The following SORCS3 variants were observed in gnomAD, a reference collection of about 807,000 sequenced individuals.
SORCS3 encodes the protein VPS10 domain-containing receptor SorCS3.
Under a neutral mutation model 146.3 loss-of-function variants are expected in SORCS3, and 57 were observed. That is an observed-to-expected ratio of 0.39 (90% CI 0.31 to 0.49). SORCS3 has a LOEUF of 0.49. Ranked by LOEUF, SORCS3 falls within the 20% of genes least tolerant of loss-of-function variation. The pLI is 0.92. For synonymous variants in SORCS3, 653 were observed against 618.5 expected (o/e 1.06, Z -0.83); for missense variants, 1,341 against 1,575.5 (o/e 0.85, Z 2.52).
intron 4 of SORCS3, among the ~76,000 whole-genome samples, chr10:105,017,474 T>C (rs763956105): frequency 1.1e-4 from 16 of 152,166 alleles, no homozygotes; most frequent in Non-Finnish European, 2.4e-4. Flanking sequence ...GCTAGCAGCA[T>C]AGGATATGGT....
intron 20 of SORCS3, among the ~76,000 whole-genome samples, chr10:105,227,559 C>A (rs1273650251): frequency 6.6e-6 from 1 of 152,014 alleles, no homozygotes; most frequent in African/African-American, 2.4e-5. Context: ...TCTGTTAGGT[C>A]CATTTGGTCT....
intron 1 of SORCS3, among the ~76,000 whole-genome samples, chr10:104,713,141 G>C (rs1220341067): frequency 2.0e-5 from 3 of 152,102 alleles, no homozygotes. Context: ...GTGTGTGTGT[G>C]TGTGTGTGTA....
chr10:105,248,957 C>T (rs2056883312), intron 22 of SORCS3, among the ~76,000 whole-genome samples: 1 of 152,122 alleles, frequency 6.6e-6, no homozygotes, highest in Non-Finnish European at 1.5e-5. Flanking sequence ...ATGTCAGTAA[C>T]CCATTCTGGT....
chr10:104,814,295 C>CTGCT (rs2017772535), intron 1 of SORCS3, among the ~76,000 whole-genome samples: 3 of 152,100 alleles, frequency 2.0e-5, no homozygotes, highest in Non-Finnish European at 4.4e-5. Flanking sequence ...TCCGATCTTC[C>CTGCT]TGCTCTTCTT....
chr10:104,954,018 T>C (rs1181560787), intron 3 of SORCS3, among the ~76,000 whole-genome samples: 1 of 152,194 alleles, frequency 6.6e-6, no homozygotes, highest in Admixed American at 6.5e-5. Flanking sequence ...ATTGGGGGAC[T>C]CTTGGTCACA....
chr10:104,785,993 G>T (rs974107963), intron 1 of SORCS3, among the ~76,000 whole-genome samples: 1 of 152,184 alleles, frequency 6.6e-6, no homozygotes, highest in African/African-American at 2.4e-5. Flanking sequence ...CTTGGAGGCT[G>T]TAATTGCTTT....
chr10:104,988,331 A>G (rs2054974156), intron 4 of SORCS3, among the ~76,000 whole-genome samples: 1 of 152,176 alleles, frequency 6.6e-6, no homozygotes, highest in African/African-American at 2.4e-5. Flanking sequence ...AAAATCAGCC[A>G]TGTGGAAACC....
At chr10:104,923,438 T>C (rs1318095221) in intron 3 of SORCS3, among the ~76,000 whole-genome samples, 2 of 152,176 alleles carry the variant, frequency 1.3e-5, no homozygotes, top group Non-Finnish European at 2.9e-5. Context: ...TACAGTTCCT[T>C]GGTCAAAAGG....
intron 2 of SORCS3, among the ~76,000 whole-genome samples, chr10:104,890,262 C>T (rs921781470): frequency 3.9e-5 from 6 of 152,058 alleles, no homozygotes; most frequent in Non-Finnish European, 7.4e-5. Context: ...CTGCCCCACC[C>T]CCACACCTCC....
At chr10:105,253,091 T>G (rs544155174) in intron 23 of SORCS3, among the ~76,000 whole-genome samples, 185 bp downstream of exon 23, 1 of 152,134 alleles carries the variant, frequency 6.6e-6, no homozygotes, top group African/African-American at 2.4e-5. Flanking sequence ...ATTCAGCTAC[T>G]CAGAAAGGAA....
At chr10:104,879,341 C>T (rs1214993812) in intron 2 of SORCS3, among the ~76,000 whole-genome samples, 6 of 152,056 alleles carry the variant, frequency 3.9e-5, no homozygotes. Flanking sequence ...GTCCCTGTCT[C>T]CATCTTCAAA....
intron 7 of SORCS3, among the ~76,000 whole-genome samples, chr10:105,107,849 G>A (rs1055105996): frequency 4.6e-5 from 7 of 152,106 alleles, no homozygotes; most frequent in African/African-American, 1.4e-4. Flanking sequence ...CCAAAACCTG[G>A]CATTTGTTGA....
chr10:105,171,939 CCCCCAAAAAGTTA>C (rs1189712795), intron 13 of SORCS3, among the ~76,000 whole-genome samples: 3 of 152,060 alleles, frequency 2.0e-5, no homozygotes, highest in Non-Finnish European at 4.4e-5. Flanking sequence ...TTTTGTGACA[CCCCCAAAAAGTTA>C]CCTCACTTTA....
At chr10:104,971,797 T>C (rs1403049259) in intron 3 of SORCS3, among the ~76,000 whole-genome samples, 2 of 151,828 alleles carry the variant, frequency 1.3e-5, no homozygotes, top group African/African-American at 2.4e-5. Context: ...TAAGAGAAAA[T>C]TGAGTATCCA....
At chr10:105,230,466 TG>T in intron 20 of SORCS3, among the ~76,000 whole-genome samples, 1 of 152,220 alleles carries the variant, frequency 6.6e-6, no homozygotes, top group South Asian at 2.1e-4. Context: ...TTAGCCTAGG[TG>T]GCAGAAGCTT....
intron 1 of SORCS3, among the ~76,000 whole-genome samples, chr10:104,773,020 C>T (rs1360060263): frequency 6.6e-6 from 1 of 152,134 alleles, no homozygotes; most frequent in Non-Finnish European, 1.5e-5. Flanking sequence ...AGAAGGCATG[C>T]TGGGTACTGT....
intron 9 of SORCS3, among the ~76,000 whole-genome samples, chr10:105,151,091 A>C (rs989277432): frequency 1.3e-5 from 2 of 152,230 alleles, no homozygotes; most frequent in Non-Finnish European, 2.9e-5. Context: ...TATTAGGGTA[A>C]TTATCACAGT....
intron 2 of SORCS3, among the ~76,000 whole-genome samples, chr10:104,873,533 T>C (rs1049726153): frequency 6.6e-6 from 1 of 152,212 alleles, no homozygotes; most frequent in African/African-American, 2.4e-5. Context: ...TTCCTTCTCC[T>C]TTTTTATAGT....
chr10:104,846,985 A>G (rs908198641), intron 2 of SORCS3, among the ~76,000 whole-genome samples: 1 of 152,240 alleles, frequency 6.6e-6, no homozygotes, highest in Non-Finnish European at 1.5e-5. Context: ...CTAGACAGAC[A>G]TAACCCTCCT....
Sources: allele counts gnomAD v4.1 joint callset (sites outside exome capture counted in the v4.1 genomes callset), GRCh38; gene constraint gnomAD v4.1.1; transcripts MANE v1.5; gene names NCBI Gene and HGNC (gene_info 2026-07-23, HGNC 2026-07-21).